NETO1: variants seen among roughly 807,000 people sequenced by gnomAD.
NETO1 encodes the protein neuropilin and tolloid like 1.
Under a neutral mutation model 61.3 loss-of-function variants are expected in NETO1, and 26 were observed. The ratio of observed to expected loss-of-function variants is 0.42; its 90% confidence interval spans 0.31 to 0.59. The LOEUF (loss-of-function observed/expected upper bound fraction) is 0.59. Ranked by LOEUF, NETO1 falls within the 20% of genes least tolerant of loss-of-function variation. NETO1 has a pLI of 0.12. For missense variants in NETO1, 531 were observed against 662.8 expected, an observed-to-expected ratio of 0.80 and a Z score of 2.18; for synonymous variants, 225 against 225.8, an observed-to-expected ratio of 1.00 and a Z score of 0.03.
In NETO1 at chr18:72,802,354, C is replaced by T. The variant is rs369333289; in HGVS notation, c.470-7950G>A. 3.0e-4 allele frequency among the ~76,000 whole-genome samples: 45 copies of T among 152,262 alleles called. 1 individual carries two copies. The East Asian group carries it at 7.0e-3, about 24-fold the overall frequency. ...GCTGAATGCCTACTGGATGAAAAGT[C>T]GGTAAAAGAAACCAGGACACTGCCA... is the stretch of plus-strand genomic sequence containing the variant. On this transcript the variant is annotated intron_variant, in intron 4 of 10. Transcript: ENST00000327305.
intron 7 of NETO1, among the ~76,000 whole-genome samples, chr18:72,766,679 TGAGA>T (rs779299650): frequency 2.0e-5 from 3 of 152,204 alleles, no homozygotes; most frequent in African/African-American, 4.8e-5. Flanking sequence ...CACATATTTA[TGAGA>T]TTCCTCCCCA....
intron 3 of NETO1, among the ~76,000 whole-genome samples, chr18:72,861,771 C>T (rs1359980145): frequency 6.6e-6 from 1 of 152,170 alleles, no homozygotes; most frequent in Non-Finnish European, 1.5e-5. Flanking sequence ...TTTAAATGTA[C>T]CTTTCTCTAC....
At chr18:72,760,148 G>A (rs1023403211) in intron 7 of NETO1, among the ~76,000 whole-genome samples, 2 of 152,010 alleles carry the variant, frequency 1.3e-5, no homozygotes, top group African/African-American at 2.4e-5. Flanking sequence ...CAGATCTAAC[G>A]ACCCAAAGAA....
chr18:72,772,749 C>CTA (rs1555684116), intron 7 of NETO1, among the ~76,000 whole-genome samples: 10 of 27,146 alleles, frequency 3.7e-4, no homozygotes, highest in Admixed American at 1.8e-3. Flanking sequence ...ACACATCTCT[C>CTA]TATATATATC....
intron 4 of NETO1, among the ~76,000 whole-genome samples, chr18:72,812,274 T>C (rs1479065786): frequency 3.9e-5 from 6 of 152,240 alleles, no homozygotes; most frequent in African/African-American, 1.2e-4. Flanking sequence ...GATTGCACAA[T>C]TGTTCACAGC....
At chr18:72,803,427 C>T (rs776307144) in intron 4 of NETO1, among the ~76,000 whole-genome samples, 3 of 152,176 alleles carry the variant, frequency 2.0e-5, no homozygotes, top group East Asian at 3.8e-4. Flanking sequence ...TTCATCAATA[C>T]GGTTTGATAT....
chr18:72,751,107 G>A (rs1430016257), intron 8 of NETO1, among the ~76,000 whole-genome samples: 1 of 146,120 alleles, frequency 6.8e-6, no homozygotes, highest in Non-Finnish European at 1.5e-5. Context: ...ACAATATTCT[G>A]ATACCAAAGG....
At chr18:72,843,835 T>C (rs1270280817) in intron 4 of NETO1, among the ~76,000 whole-genome samples, 1 of 152,230 alleles carries the variant, frequency 6.6e-6, no homozygotes, top group East Asian at 1.9e-4. Flanking sequence ...GTTTGTAAGA[T>C]AAGAGGCTAG....
At chr18:72,833,542 G>T (rs1164556951) in intron 4 of NETO1, among the ~76,000 whole-genome samples, 1 of 152,084 alleles carries the variant, frequency 6.6e-6, no homozygotes, top group African/African-American at 2.4e-5. Flanking sequence ...TTTAGTAAAT[G>T]AATTCTGACT....
rs1181723433 is a variant in NETO1, at chr18:72,747,100, T to C, written c.*1079A>G. On this transcript the variant is annotated 3_prime_UTR_variant, in exon 11 of 11. Coordinates refer to ENST00000327305, the MANE Select transcript of NETO1 (RefSeq NM_138966.5). Reference sequence around the variant, plus strand: ...TTTAGAAGCCAAATATTTTGGGAAGTAAACCTCAATACTGAAGGACATCCT... The same window carrying C: ...TTTAGAAGCCAAATATTTTGGGAAGCAAACCTCAATACTGAAGGACATCCT... 6.6e-6 allele frequency: 1 copy of C among 151,940 alleles called. No homozygotes were observed. The highest frequency in any genetic ancestry group is 2.4e-5 in the African/African-American group (1 of 41,420). 9.4% of individuals were successfully genotyped at this position (151,940 alleles called of 1,614,324 possible).
intron 4 of NETO1, among the ~76,000 whole-genome samples, chr18:72,837,486 A>C (rs952439496): frequency 6.6e-6 from 1 of 152,194 alleles, no homozygotes; most frequent in Non-Finnish European, 1.5e-5. Flanking sequence ...CATAGGACGA[A>C]CTGCACAGAA....
chr18:72,742,941 C>G (rs2070365254), downstream of NETO1, among the ~76,000 whole-genome samples: 1 of 152,120 alleles, frequency 6.6e-6, no homozygotes, highest in African/African-American at 2.4e-5. Flanking sequence ...AGTAAAAAAG[C>G]CAGACAAATA....
At chr18:72,856,634 G>A (rs149691253) in intron 4 of NETO1, among the ~76,000 whole-genome samples, 1 of 152,066 alleles carries the variant, frequency 6.6e-6, no homozygotes, top group African/African-American at 2.4e-5. Flanking sequence ...CAAAATTTAC[G>A]TGATGCAAAG....
chr18:72,837,373 A>G (rs2073784083), intron 4 of NETO1, among the ~76,000 whole-genome samples: 1 of 152,194 alleles, frequency 6.6e-6, no homozygotes. Flanking sequence ...TATAAGAAAA[A>G]GTAATCATTG....
chr18:72,840,999 T>A (rs553753749), intron 4 of NETO1, among the ~76,000 whole-genome samples: 2 of 152,168 alleles, frequency 1.3e-5, no homozygotes, highest in Non-Finnish European at 2.9e-5. Flanking sequence ...TTGCCCCTAT[T>A]AGCAGCACAA....
At chr18:72,817,380 G>C (rs988346585) in intron 4 of NETO1, among the ~76,000 whole-genome samples, 1 of 152,234 alleles carries the variant, frequency 6.6e-6, no homozygotes. Context: ...ATGGGAGTGA[G>C]AGCATCGGCC....
chr18:72,793,803 G>T (rs375773138), intron 6 of NETO1, among the ~76,000 whole-genome samples: 1 of 152,188 alleles, frequency 6.6e-6, no homozygotes, highest in Non-Finnish European at 1.5e-5. Context: ...AAGAGCGTAA[G>T]TGTAGTTACA....
chr18:72,788,019 CT>C (rs1190642770), intron 6 of NETO1, among the ~76,000 whole-genome samples: 1 of 152,008 alleles, frequency 6.6e-6, no homozygotes, highest in Non-Finnish European at 1.5e-5. Context: ...GTTTTAAATT[CT>C]TTAAAAATAG....
At chr18:72,786,129 G>A (rs952992122) in intron 6 of NETO1, among the ~76,000 whole-genome samples, 1 of 152,100 alleles carries the variant, frequency 6.6e-6, no homozygotes, top group Non-Finnish European at 1.5e-5. Flanking sequence ...CCTTTGTTCA[G>A]CATTCATATT....
Sources: gnomAD v4.1 joint callset for allele counts (sites outside exome capture counted in the v4.1 genomes callset) on GRCh38, gnomAD v4.1.1 for gene constraint, MANE v1.5 for transcripts, NCBI Gene and HGNC (gene_info 2026-07-23, HGNC 2026-07-21) for gene names.